Variants in NCAM2 observed in about 807,000 individuals in gnomAD.
NCAM2 encodes neural cell adhesion molecule 2, also known as N-CAM-2.
In NCAM2, 30 loss-of-function variants were observed where a neutral mutation model predicts 98.1. The observed-to-expected ratio is 0.31, with a 90% CI of 0.23 to 0.41. NCAM2 has a LOEUF of 0.41. NCAM2 is among the 10% of genes least tolerant of loss of function. NCAM2 has a pLI of 1.00. For synonymous variants in NCAM2, 368 were observed against 342.4 expected (o/e 1.07, Z -0.83); for missense variants, 867 against 1,005.8 (o/e 0.86, Z 1.87).
chr21:21,256,375 G>A (rs2071673622), intron 1 of NCAM2, among the ~76,000 whole-genome samples: 1 of 152,000 alleles, frequency 6.6e-6, no homozygotes, highest in African/African-American at 2.4e-5. Flanking sequence ...TAATAATGAT[G>A]ATAATAGTAA....
chr21:21,051,228 C>G (rs144039052), intron 1 of NCAM2, among the ~76,000 whole-genome samples: 2 of 146,990 alleles, frequency 1.4e-5, no homozygotes, highest in African/African-American at 5.0e-5. Context: ...AGAAAAAATT[C>G]TAAAGCATGC....
intron 1 of NCAM2, among the ~76,000 whole-genome samples, chr21:21,095,436 A>G (rs112999092): frequency 1.3e-5 from 2 of 151,586 alleles, no homozygotes; most frequent in Non-Finnish European, 3.0e-5. Context: ...CTGTCTATCT[A>G]TCTAGCTAGC....
chr21:21,338,310 T>G, intron 7 of NCAM2, 79 bp from the exon 8 acceptor site: 1 of 1,332,446 alleles, frequency 7.5e-7, no homozygotes, highest in Non-Finnish European at 1.1e-6. Flanking sequence ...ATAGTAGACT[T>G]AAACACCCAT....
At chr21:21,256,211 C>T (rs1601782071) in intron 1 of NCAM2, among the ~76,000 whole-genome samples, 1 of 152,012 alleles carries the variant, frequency 6.6e-6, no homozygotes, top group South Asian at 2.1e-4. Context: ...CAAAAATTAG[C>T]TGGGCGTGGT....
At chr21:21,313,214 T>C (rs1426818652) in intron 5 of NCAM2, among the ~76,000 whole-genome samples, 1 of 151,874 alleles carries the variant, frequency 6.6e-6, no homozygotes, top group Non-Finnish European at 1.5e-5. Flanking sequence ...GTTTTCAATT[T>C]CATTATTATC....
chr21:21,146,547 ATATATATATG>A lies in NCAM2; in HGVS notation c.56-134021_56-134012del, dbSNP rs888474986. ...TGTGATTATATAAAATACTTACAGGATATATATATGTATATATATATATATATGGATTATA... is the reference window on the plus strand; with the variant it reads ...TGTGATTATATAAAATACTTACAGGATATATATATATATATATGGATTATA... On this transcript the variant is annotated intron_variant, in intron 1 of 17. Transcript: ENST00000400546. Among the ~76,000 whole-genome samples the A allele has an allele frequency of 5.7e-3, 176 of 30,698 alleles. 3 individuals are homozygous for A. The highest frequency in any genetic ancestry group is 0.02 in the African/African-American group (139 of 6,938). The allele number at this position is 30,698 out of a possible 152,430, so 20.1% of individuals were successfully genotyped here.
intron 1 of NCAM2, among the ~76,000 whole-genome samples, chr21:21,020,708 T>C (rs2064416142): frequency 6.6e-6 from 1 of 152,182 alleles, no homozygotes; most frequent in Admixed American, 6.5e-5. Context: ...CGAGCTCTAG[T>C]GATACCCCCA....
intron 6 of NCAM2, among the ~76,000 whole-genome samples, chr21:21,328,719 T>A (rs2074589456): frequency 6.6e-6 from 1 of 152,064 alleles, no homozygotes; most frequent in African/African-American, 2.4e-5. Flanking sequence ...GTCAAAAGTT[T>A]AAAATTTTTA....
intron 1 of NCAM2, among the ~76,000 whole-genome samples, chr21:21,112,322 G>A (rs1346016081): frequency 7.3e-5 from 11 of 151,724 alleles, no homozygotes; most frequent in East Asian, 5.8e-4. Context: ...TCTGATTTTC[G>A]CTTAGAGAAA....
At chr21:21,300,145 G>A (rs1190535325) in intron 5 of NCAM2, among the ~76,000 whole-genome samples, 1 of 109,604 alleles carries the variant, frequency 9.1e-6, no homozygotes, top group Admixed American at 1.1e-4. Flanking sequence ...GTATAGTCAT[G>A]TAAATGCCCT....
Position 21,477,610 on chromosome 21 carries a change from C to T in NCAM2, c.2077+139C>T, listed in dbSNP as rs184877902. On this transcript the variant is annotated intron_variant, in intron 15 of 17. Transcript: ENST00000400546. ...GGTTCTAATTATTATTGTGACATATCATACACAAAGTTTCTCATCGCTCTT... is the reference window on the plus strand; with the variant it reads ...GGTTCTAATTATTATTGTGACATATTATACACAAAGTTTCTCATCGCTCTT... 1.4e-5 allele frequency: 10 copies of T among 717,576 alleles called. No individual in the cohort carries two copies. In the East Asian group the frequency reaches 3.0e-4, roughly 21 times the overall value. 44.5% of individuals were successfully genotyped at this position (717,576 alleles called of 1,614,324 possible). A position where few individuals can be genotyped will look rare whatever the true frequency, so the allele number is the denominator to read the frequency against.
chr21:21,494,601 G>C (rs933584297), intron 15 of NCAM2, among the ~76,000 whole-genome samples: 8 of 151,078 alleles, frequency 5.3e-5, no homozygotes, highest in Non-Finnish European at 1.2e-4. Context: ...GAAAAGTTTA[G>C]AGTTAGTAAG....
intron 9 of NCAM2, among the ~76,000 whole-genome samples, chr21:21,379,583 G>A (rs559618248): frequency 2.0e-5 from 3 of 151,808 alleles, no homozygotes; most frequent in African/African-American, 7.3e-5. Context: ...TGCTGTTATT[G>A]ATTTCTAATT....
chr21:21,514,329 A>G (rs1286193211), intron 16 of NCAM2, among the ~76,000 whole-genome samples: 1 of 151,710 alleles, frequency 6.6e-6, no homozygotes, highest in Non-Finnish European at 1.5e-5. Context: ...TACAAACATT[A>G]GCTAGGCATG....
chr21:21,315,852 T>C (rs191189388), intron 5 of NCAM2, among the ~76,000 whole-genome samples: 154 of 152,322 alleles, frequency 1.0e-3, no homozygotes, highest in Non-Finnish European at 1.5e-3. Flanking sequence ...GACATACATA[T>C]TCTATCCAAA....
rs1459907305 is a variant in NCAM2, at chr21:21,540,648, G to A, written c.*2691G>A. 6.6e-6 allele frequency: 1 copy of A among 151,822 alleles called. No homozygotes were observed. Among genetic ancestry groups the A allele is most frequent in the African/African-American group, 2.4e-5 (1 of 41,362 alleles). 9.4% of individuals were successfully genotyped at this position (151,822 alleles called of 1,614,324 possible). On this transcript the variant is annotated 3_prime_UTR_variant, in exon 18 of 18. Coordinates refer to ENST00000400546, the MANE Select transcript of NCAM2 (RefSeq NM_004540.5). ...TAACCATATAAATGTTATTTTTATT[G>A]TCTGAGAGTACTCTTAAATATTAGT...
At chr21:21,512,096 G>C (rs1988423256) in intron 16 of NCAM2, among the ~76,000 whole-genome samples, 1 of 151,766 alleles carries the variant, frequency 6.6e-6, no homozygotes, top group Non-Finnish European at 1.5e-5. Context: ...AAGTTTTTCA[G>C]CTTGGTGTGA....
chr21:21,206,423 T>C (rs555424977), intron 1 of NCAM2, among the ~76,000 whole-genome samples: 2 of 152,264 alleles, frequency 1.3e-5, no homozygotes, highest in African/African-American at 2.4e-5. Context: ...TTATAATTGA[T>C]TCACCTAATT....
chr21:21,214,978 A>G (rs1377641681), intron 1 of NCAM2, among the ~76,000 whole-genome samples: 2 of 151,880 alleles, frequency 1.3e-5, no homozygotes, highest in Non-Finnish European at 2.9e-5. Flanking sequence ...ACTCTTGGCA[A>G]GTGGAGTGAT....
Sources: gnomAD v4.1 joint callset for allele counts (sites outside exome capture counted in the v4.1 genomes callset) on GRCh38, gnomAD v4.1.1 for gene constraint, MANE v1.5 for transcripts, NCBI Gene and HGNC (gene_info 2026-07-23, HGNC 2026-07-21) for gene names.